The following MZT1 variants were observed in gnomAD, a reference collection of about 807,000 sequenced individuals.
MZT1 encodes mitotic-spindle organizing protein 1.
A neutral mutation model predicts 8.5 loss-of-function variants in MZT1; 8 were observed. The ratio of observed to expected loss-of-function variants is 0.94; its 90% CI spans 0.55 to 1.70. The LOEUF (loss-of-function observed/expected upper bound fraction) is 1.70, where lower values mean the gene tolerates loss of function less well. MZT1 is among the 40% of genes most tolerant of loss of function. MZT1 has a pLI of 0.00. For missense variants in MZT1, 93 were observed against 108.6 expected, an observed-to-expected ratio of 0.86 and a Z score of 0.64; for synonymous variants, 38 against 42.0, an observed-to-expected ratio of 0.90 and a Z score of 0.37.
At chr13:72,715,136 G>A (rs1216661270) in intron 2 of MZT1, among the ~76,000 whole-genome samples, 1 of 152,194 alleles carries the variant, frequency 6.6e-6, no homozygotes, top group Non-Finnish European at 1.5e-5. Flanking sequence ...AAGGCCTTGG[G>A]AGCATACCCC....
chr13:72,726,852 G>A (rs1039376565), intron 1 of MZT1, among the ~76,000 whole-genome samples: 2 of 152,024 alleles, frequency 1.3e-5, no homozygotes, highest in Non-Finnish European at 2.9e-5. Flanking sequence ...GTAGACAGAG[G>A]GTAACCGCAA....
At chr13:72,710,510 A>G (rs2032478415) in intron 2 of MZT1, among the ~76,000 whole-genome samples, 165 bp from the exon 3 acceptor site, 1 of 152,168 alleles carries the variant, frequency 6.6e-6, no homozygotes, top group Non-Finnish European at 1.5e-5. Flanking sequence ...GCTATACATC[A>G]GGACTACCTT....
intron 2 of MZT1, among the ~76,000 whole-genome samples, chr13:72,715,048 G>A (rs995896877): frequency 2.0e-5 from 3 of 152,202 alleles, no homozygotes; most frequent in Middle Eastern, 3.2e-3. Flanking sequence ...TTGAAAAGCT[G>A]CAGACACTCA....
intron 1 of MZT1, among the ~76,000 whole-genome samples, chr13:72,720,537 G>A (rs2032581956): frequency 6.6e-6 from 1 of 152,282 alleles, no homozygotes; most frequent in African/African-American, 2.4e-5. Context: ...TATTTATCAT[G>A]TTCATGAGAT....
chr13:72,726,887 A>C (rs1593800783), intron 1 of MZT1, among the ~76,000 whole-genome samples: 1 of 152,322 alleles, frequency 6.6e-6, no homozygotes. Context: ...GTTCTGCAAC[A>C]CTTGTGTAGG....
In MZT1 at chr13:72,724,729, TATATATATATACAC is replaced by T. The variant is rs1432829644; in HGVS notation, c.79+2781_79+2794del. 7.2e-3 allele frequency among the ~76,000 whole-genome samples: 229 copies of T among 31,814 alleles called. 24 individuals carry two copies. Among genetic ancestry groups the T allele is most frequent in the East Asian group, 0.023 (14 of 620 alleles). 20.9% of individuals were successfully genotyped at this position (31,814 alleles called of 152,430 possible). On this transcript the variant is annotated intron_variant, in intron 1 of 2. Coordinates refer to ENST00000377818, the MANE Select transcript of MZT1 (RefSeq NM_001071775.3). Reference sequence around the variant, plus strand: ...ATATATATATATATACATATATATATATATATATATACACATATATATATGTAAAGTGGTGCTAC... The same window carrying T: ...ATATATATATATATACATATATATATATATATATATGTAAAGTGGTGCTAC...
intron 2 of MZT1, among the ~76,000 whole-genome samples, chr13:72,711,742 C>A (rs1394631271): frequency 6.6e-6 from 1 of 151,180 alleles, no homozygotes; most frequent in Non-Finnish European, 1.5e-5. Flanking sequence ...GAGCAGCAAC[C>A]ACACAAGGCA....
In MZT1 at chr13:72,708,837, A is replaced by G. The variant is rs1165190883; in HGVS notation, c.*1485T>C. The G allele has an allele frequency of 1.3e-5, 2 of 151,998 alleles. No homozygotes were observed. The highest frequency in any genetic ancestry group is 2.9e-5 in the Non-Finnish European group (2 of 67,936). The allele number at this position is 151,998 out of a possible 1,614,324, so 9.4% of individuals were successfully genotyped here. ...GTCAAAATTCTATATTAAAAAAAAA[A>G]AAAGGCAGAGAAGGTTGCTATTTAA... On this transcript the variant is annotated 3_prime_UTR_variant, in exon 3 of 3. Coordinates refer to ENST00000377818, the MANE Select transcript of MZT1 (RefSeq NM_001071775.3).
intron 2 of MZT1, 110 bp downstream of exon 2, chr13:72,718,842 G>T: frequency 1.9e-6 from 2 of 1,030,840 alleles, no homozygotes; most frequent in Non-Finnish European, 2.7e-6. Flanking sequence ...TAGTGGTGTT[G>T]CATGTTAGTT....
chr13:72,710,284 C>A lies in MZT1; in HGVS notation c.*38G>T. On this transcript the variant is annotated 3_prime_UTR_variant, in exon 3 of 3. Coordinates refer to ENST00000377818, the MANE Select transcript of MZT1 (RefSeq NM_001071775.3). ...ACAATGCAATCTTCAAACCCTCTTG[C>A]AGAGCTTGACATATCTCATCAGAAT... The A allele has an allele frequency of 6.2e-7, 1 of 1,608,774 alleles. No individual in the cohort carries two copies. The highest frequency in any genetic ancestry group is 2.2e-5 in the East Asian group (1 of 44,752).
intron 1 of MZT1, among the ~76,000 whole-genome samples, chr13:72,724,482 G>T (rs1435135272): frequency 2.7e-5 from 4 of 149,668 alleles, no homozygotes; most frequent in African/African-American, 9.8e-5. Flanking sequence ...GCCTTGCAGT[G>T]CTAGTCAAAT....
At chr13:72,722,942 T>C (rs549031998) in intron 1 of MZT1, among the ~76,000 whole-genome samples, 7 of 152,316 alleles carry the variant, frequency 4.6e-5, no homozygotes, top group Admixed American at 4.6e-4. Context: ...TTTTTGACTG[T>C]CTTCACAAAT....
At chr13:72,726,355 C>T (rs999849230) in intron 1 of MZT1, among the ~76,000 whole-genome samples, 3 of 151,916 alleles carry the variant, frequency 2.0e-5, no homozygotes, top group African/African-American at 7.3e-5. Flanking sequence ...CGCCTGAACC[C>T]GGGAGGCGGA....
At chr13:72,725,624 AC>A (rs2032643099) in intron 1 of MZT1, among the ~76,000 whole-genome samples, 1 of 151,954 alleles carries the variant, frequency 6.6e-6, no homozygotes, top group African/African-American at 2.4e-5. Context: ...GTTTTACTTC[AC>A]TTTTTTGTGT....
intron 2 of MZT1, 113 bp from the exon 3 acceptor site, chr13:72,710,458 A>G (rs566063843): frequency 1.1e-6 from 1 of 950,240 alleles, no homozygotes; most frequent in East Asian, 2.4e-5. Context: ...CCCATAAAAC[A>G]GAACCACTTT....
At chr13:72,721,392 AGCACGGT>A (rs1246656895) in intron 1 of MZT1, among the ~76,000 whole-genome samples, 2 of 152,172 alleles carry the variant, frequency 1.3e-5, no homozygotes, top group Non-Finnish European at 2.9e-5. Context: ...GCCCTGTGTA[AGCACGGT>A]GCACGGTTCA....
At chr13:72,720,680 G>A (rs1030446695) in intron 1 of MZT1, among the ~76,000 whole-genome samples, 1 of 152,110 alleles carries the variant, frequency 6.6e-6, no homozygotes, top group Non-Finnish European at 1.5e-5. Flanking sequence ...CCTGAGGTCG[G>A]GAGTTCGAGA....
intron 2 of MZT1, among the ~76,000 whole-genome samples, chr13:72,711,250 A>T (rs2032486413): frequency 6.6e-6 from 1 of 152,222 alleles, no homozygotes; most frequent in South Asian, 2.1e-4. Context: ...CTAAGGAGAT[A>T]ATATAAAAAT....
intron 1 of MZT1, among the ~76,000 whole-genome samples, chr13:72,720,477 A>C (rs2032581417): frequency 1.3e-5 from 2 of 152,248 alleles, no homozygotes; most frequent in African/African-American, 4.8e-5. Context: ...AGTTATCAAT[A>C]TTTAGTCACC....
Sources: allele counts gnomAD v4.1 joint callset (sites outside exome capture counted in the v4.1 genomes callset), GRCh38; gene constraint gnomAD v4.1.1; transcripts MANE v1.5; gene names NCBI Gene and HGNC (gene_info 2026-07-23, HGNC 2026-07-21).